Variants in TIPARP observed in about 807,000 individuals in gnomAD.
TIPARP encodes TCDD inducible poly(ADP-ribose) polymerase.
In TIPARP, 12 loss-of-function variants were observed where a neutral mutation model predicts 56.5. The observed-to-expected ratio is 0.21, with a 90% CI of 0.14 to 0.34. TIPARP has a LOEUF of 0.34. TIPARP is among the 10% of genes least tolerant of loss of function. The pLI is 1.00. For missense variants in TIPARP, 604 were observed against 781.6 expected (o/e 0.77, Z 2.71); for synonymous variants, 296 against 265.7 (o/e 1.11, Z -1.11).
intron 4 of TIPARP, among the ~76,000 whole-genome samples, chr3:156,700,295 T>G (rs1722816956): frequency 6.6e-6 from 1 of 151,922 alleles, no homozygotes; most frequent in African/African-American, 2.4e-5. Context: ...TTTTTTTCTT[T>G]GGTGTAGAGA....
rs1226375510 is a variant in TIPARP at position 156,703,594 on chromosome 3, G to A, written c.1418G>A (p.Ser473Asn). The A allele has an allele frequency of 1.2e-6, 2 of 1,614,078 alleles. No homozygotes were observed. The highest frequency in any genetic ancestry group is 1.7e-6 in the Non-Finnish European group (2 of 1,180,048). The part of the protein sequence containing the change: ...IQVPVSAEDK[S>N]YRIIYNLFHK... ...GTCCCTGTTTCTGCAGAGGATAAAA[G>A]TTATCGGATCATTTACAATCTTTTT... The change falls in exon 5 of 6, where the codon AGT becomes AAT. Residue 473 changes from serine (S) to asparagine (N), a missense_variant. Coordinates refer to ENST00000295924, the MANE Select transcript of TIPARP (RefSeq NM_015508.5).
intron 5 of TIPARP, among the ~76,000 whole-genome samples, chr3:156,703,917 G>A (rs1026497216): frequency 6.6e-6 from 1 of 151,328 alleles, no homozygotes; most frequent in Non-Finnish European, 1.5e-5. Flanking sequence ...GGAGGCTGAG[G>A]CAGGAGAATG....
At chr3:156,703,970 G>A (rs1049615340) in intron 5 of TIPARP, among the ~76,000 whole-genome samples, 7 of 138,248 alleles carry the variant, frequency 5.1e-5, no homozygotes, top group Admixed American at 4.8e-4. Context: ...CCGAGATTGC[G>A]CCACTGCACT....
At chr3:156,698,131 A>T (rs957934826) in intron 4 of TIPARP, among the ~76,000 whole-genome samples, 5 of 152,210 alleles carry the variant, frequency 3.3e-5, no homozygotes, top group Non-Finnish European at 5.9e-5. Flanking sequence ...AACTTTTTTC[A>T]GTTCTTTCAA....
intron 4 of TIPARP, among the ~76,000 whole-genome samples, chr3:156,699,741 T>TA (rs1267480313): frequency 6.6e-6 from 1 of 152,208 alleles, no homozygotes; most frequent in Non-Finnish European, 1.5e-5. Context: ...CAAAAATAGT[T>TA]ACTCTTTATT....
At position 156,693,527 on chromosome 3, in the gene TIPARP, A is replaced by T. The variant is rs569543115; in HGVS notation, c.918-493A>T. On this transcript the variant is annotated intron_variant, in intron 2 of 5. Coordinates refer to ENST00000295924, the MANE Select transcript of TIPARP (RefSeq NM_015508.5). ...GTGGATTAATACTGGCTTTATCCGG[A>T]TTCATTTTATTTTTCCCTTCTTTTA... 1.3e-5 allele frequency among the ~76,000 whole-genome samples: 2 copies of T among 152,182 alleles called. 1 individual carries two copies. The highest frequency in any genetic ancestry group is 4.8e-5 in the African/African-American group (2 of 41,520).
Position 156,703,517 on chromosome 3 carries a change from C to A in TIPARP, c.1341C>A (p.Asn447Lys). Residue 447 changes from asparagine (N) to lysine (K), a missense_variant, in exon 5 of 6, where the codon AAC becomes AAA. Asn to Lys is a moderately conservative substitution (Grantham distance 94). Transcript: ENST00000295924. ...GCCCAGATGGGGTCACTTCAGCAAA[C>A]TTTTACCCTGAAACTTGGGTTTATA... The part of the protein sequence containing the change: ...IICPDGVTSA[N>K]FYPETWVYMH... 1 of 1,614,214 alleles carries A rather than the reference C, an allele frequency of 6.2e-7. No homozygotes were observed. The highest frequency in any genetic ancestry group is 1.1e-5 in the South Asian group (1 of 91,088).
chr3:156,703,577 T>C lies in TIPARP; in HGVS notation c.1401T>C (p.Val467=). 6.2e-7 allele frequency: 1 copy of C among 1,614,248 alleles called. No individual in the cohort carries two copies. Among genetic ancestry groups the C allele is most frequent in the Non-Finnish European group, 8.5e-7 (1 of 1,180,048 alleles). ...HPSQDFIQVP[V]SAEDKSYRII... is the part of the protein sequence containing the mutation. The stretch of plus-strand genomic sequence containing the variant: ...CTCAGGACTTCATCCAAGTCCCTGT[T>C]TCTGCAGAGGATAAAAGTTATCGGA... Residue 467 remains valine, a synonymous_variant, in exon 5 of 6, where the codon GTT becomes GTC. Transcript: ENST00000295924.
At position 156,704,718 on chromosome 3, in the gene TIPARP, C is replaced by T. The variant is rs146547620; in HGVS notation, c.1561C>T (p.Arg521Cys). The T allele has an allele frequency of 7.6e-5, 122 of 1,613,940 alleles. No individual in the cohort carries two copies. The African/African-American group carries it at 1.4e-3, about 18-fold the overall frequency. ...KEYMNRKMFG[R>C]DRIINERHLF... ...ATATATGAACAGGAAAATGTTTGGC[C>T]GTGACAGGATAATAAATGAGAGACA... The change falls in exon 6 of 6, where the codon CGT becomes TGT. Residue 521 changes from arginine to cysteine, a missense_variant. Transcript: ENST00000295924.
intron 2 of TIPARP, among the ~76,000 whole-genome samples, chr3:156,684,211 T>C (rs1722373216): frequency 6.6e-6 from 1 of 152,202 alleles, no homozygotes; most frequent in Admixed American, 6.5e-5. Context: ...TTCTCTTTTA[T>C]AATAAGATTG....
At chr3:156,703,380 ATTTC>A in intron 4 of TIPARP, 40 bp from the exon 5 acceptor site, 4 of 1,592,778 alleles carry the variant, frequency 2.5e-6, no homozygotes, top group Non-Finnish European at 3.4e-6. Flanking sequence ...AGGTGTACTT[ATTTC>A]TTAATGTTTT....
intron 2 of TIPARP, among the ~76,000 whole-genome samples, chr3:156,690,804 G>T (rs898450500): frequency 4.6e-5 from 7 of 152,102 alleles, no homozygotes; most frequent in Non-Finnish European, 8.8e-5. Context: ...CAGTAGAGAT[G>T]CCTTTAGACC....
At position 156,696,115 on chromosome 3, in the gene TIPARP, A is replaced by T; in HGVS notation, c.1247+90A>T. Reference sequence around the variant, plus strand: ...AGAGATAAAAAATAAATAAGAGTCTACCTTGGTTAGTACTCCTAGAATGTG... The same window carrying T: ...AGAGATAAAAAATAAATAAGAGTCTTCCTTGGTTAGTACTCCTAGAATGTG... On this transcript the variant is annotated intron_variant, in intron 4 of 5. Coordinates refer to ENST00000295924, the MANE Select transcript of TIPARP (RefSeq NM_015508.5). 6 of 1,437,922 alleles carry T rather than the reference A, an allele frequency of 4.2e-6. 1 individual carries two copies. The Admixed American group carries it at 1.5e-4, about 36-fold the overall frequency. 89.1% of individuals were successfully genotyped at this position (1,437,922 alleles called of 1,614,324 possible). A position where few individuals can be genotyped will look rare whatever the true frequency, so the allele number is the denominator to read the frequency against.
intron 3 of TIPARP, 43 bp downstream of exon 3, chr3:156,694,231 AT>A (rs747149261): frequency 2.6e-6 from 4 of 1,525,180 alleles, no homozygotes; most frequent in East Asian, 2.3e-5. Flanking sequence ...TTTCAAATTT[AT>A]TTTTTTCTTC....
At chr3:156,694,337 C>T (rs921957074) in intron 3 of TIPARP, 149 bp downstream of exon 3, 22 of 644,690 alleles carry the variant, frequency 3.4e-5, no homozygotes, top group Middle Eastern at 8.8e-4. Context: ...CTCATTGATA[C>T]AAGAAAACTT....
chr3:156,690,294 C>A (rs1258913574), intron 2 of TIPARP, among the ~76,000 whole-genome samples: 4 of 151,792 alleles, frequency 2.6e-5, no homozygotes, highest in African/African-American at 9.7e-5. Context: ...GTCATAGGTC[C>A]TTTTTACTTT....
chr3:156,702,059 GGTGGTGGTGGTGGTT>G lies in TIPARP; in HGVS notation c.1248-1350_1248-1336del, dbSNP rs1293966398. Reference sequence around the variant, plus strand: ...TGGTGGTGGTGGTGGTGGTGGTGGTGGTGGTGGTGGTGGTTGTGGTGGTGGTGGTGGTGGTGATGG... The same window carrying G: ...TGGTGGTGGTGGTGGTGGTGGTGGTGGTGGTGGTGGTGGTGGTGGTGATGG... On this transcript the variant is annotated intron_variant, in intron 4 of 5. Coordinates refer to ENST00000295924, the MANE Select transcript of TIPARP (RefSeq NM_015508.5). 3.2e-3 allele frequency among the ~76,000 whole-genome samples: 474 copies of G among 147,280 alleles called. 7 individuals carry two copies. The highest frequency in any genetic ancestry group is 6.9e-3 in the Middle Eastern group (2 of 288).
chr3:156,701,144 G>A (rs1285490697), intron 4 of TIPARP, among the ~76,000 whole-genome samples: 3 of 152,204 alleles, frequency 2.0e-5, no homozygotes, highest in Non-Finnish European at 4.4e-5. Flanking sequence ...TGGAATGGAT[G>A]TTAACCATAT....
chr3:156,678,682 T>A, intron 2 of TIPARP, 68 bp downstream of exon 2: 1 of 1,419,044 alleles, frequency 7.0e-7, no homozygotes, highest in Non-Finnish European at 9.5e-7. Flanking sequence ...AGCTAAAAGC[T>A]TAGTAGGGTG....
Sources: gnomAD v4.1 joint callset for allele counts (sites outside exome capture counted in the v4.1 genomes callset) on GRCh38, gnomAD v4.1.1 for gene constraint, MANE v1.5 for transcripts, NCBI Gene and HGNC (gene_info 2026-07-23, HGNC 2026-07-21) for gene names.